The following DAB1 variants were observed in gnomAD, a reference collection of about 807,000 sequenced individuals.
DAB1 encodes the protein DAB adaptor protein 1.
A neutral mutation model predicts 64.6 loss-of-function variants in DAB1; 15 were observed. The observed-to-expected ratio is 0.23, with a 90% CI of 0.16 to 0.36. DAB1 has a LOEUF of 0.36. DAB1 is among the 10% of genes least tolerant of loss of function. The pLI is 1.00. For synonymous variants in DAB1, 235 were observed against 251.9 expected (o/e 0.93, Z 0.64); for missense variants, 596 against 706.7 (o/e 0.84, Z 1.78).
intron 9 of DAB1, among the ~76,000 whole-genome samples, chr1:57,043,974 C>T (rs1233788287): frequency 2.0e-5 from 3 of 152,230 alleles, no homozygotes; most frequent in African/African-American, 7.2e-5. Flanking sequence ...CCACCATTCT[C>T]CCCTTTCCTA....
At chr1:57,615,607 T>C (rs1645782220) in intron 7 of DAB1, among the ~76,000 whole-genome samples, 1 of 152,140 alleles carries the variant, frequency 6.6e-6, no homozygotes, top group Non-Finnish European at 1.5e-5. Context: ...CTGGGGGAAA[T>C]GTTTGTAGCT....
At position 57,045,154 on chromosome 1, in the gene DAB1, C is replaced by T. The variant is rs76876629; in HGVS notation, c.723+17730G>A. On this transcript the variant is annotated intron_variant, in intron 9 of 14. Coordinates refer to ENST00000371236, the MANE Select transcript of DAB1 (RefSeq NM_001365792.1). ...AGTGAGGAGAACAAAAGGTATAAGA[C>T]GACCTGTGTTTTAAGACTAGGGTGA... 9.3e-4 allele frequency among the ~76,000 whole-genome samples: 142 copies of T among 152,210 alleles called. 2 individuals are homozygous for T. The East Asian group carries it at 0.025, about 27-fold the overall frequency.
At chr1:57,203,140 C>A (rs1357691874) in intron 2 of DAB1, among the ~76,000 whole-genome samples, 1 of 152,134 alleles carries the variant, frequency 6.6e-6, no homozygotes, top group Admixed American at 6.5e-5. Context: ...AAAACAGCAC[C>A]ATTTCTCTTA....
intron 4 of DAB1, among the ~76,000 whole-genome samples, chr1:58,179,358 T>C (rs6663342): frequency 0.073 from 11,097 of 152,008 alleles, 459 homozygotes; most frequent in Admixed American, 0.091. Context: ...ATAAAAAGAG[T>C]TGTGAAGTGT....
intron 2 of DAB1, among the ~76,000 whole-genome samples, chr1:57,236,149 T>A (rs1668072861): frequency 6.6e-6 from 1 of 152,194 alleles, no homozygotes. Context: ...AGTTCATTAA[T>A]CCTCATTTGG....
chr1:57,310,619 C>T (rs1317083132), intron 1 of DAB1, among the ~76,000 whole-genome samples: 1 of 152,144 alleles, frequency 6.6e-6, no homozygotes, highest in Non-Finnish European at 1.5e-5. Context: ...GAAAGGAAAA[C>T]TTTTGTGAGG....
chr1:57,279,867 C>T (rs909424319), intron 2 of DAB1, among the ~76,000 whole-genome samples: 5 of 152,216 alleles, frequency 3.3e-5, no homozygotes, highest in African/African-American at 1.2e-4. Context: ...CTTCCCATGG[C>T]TTTTTAACTT....
At chr1:58,415,590 C>G (rs1644711968) in intron 3 of DAB1, 1 of 156,912 alleles carries the variant, frequency 6.4e-6, no homozygotes, top group Admixed American at 6.5e-5. Context: ...ATACCAAATA[C>G]CCACTTGTAC....
intron 14 of DAB1, among the ~76,000 whole-genome samples, chr1:57,009,082 G>C (rs1486577414): frequency 6.6e-6 from 1 of 152,220 alleles, no homozygotes; most frequent in African/African-American, 2.4e-5. Context: ...AATGGTGTAA[G>C]TCATCTTTGT....
intron 7 of DAB1, among the ~76,000 whole-genome samples, chr1:57,611,163 G>A (rs1310670747): frequency 2.6e-5 from 3 of 116,634 alleles, no homozygotes; most frequent in African/African-American, 6.8e-5. Flanking sequence ...ATCTTTCCAA[G>A]TGTGCCAGTT....
intron 1 of DAB1, among the ~76,000 whole-genome samples, chr1:57,834,843 C>T (rs899342476): frequency 3.3e-5 from 5 of 152,118 alleles, no homozygotes; most frequent in Non-Finnish European, 5.9e-5. Flanking sequence ...CTGAGGCCAA[C>T]CTTGTCCTCC....
chr1:57,041,334 A>C (rs1297734331), intron 9 of DAB1, among the ~76,000 whole-genome samples: 1 of 152,222 alleles, frequency 6.6e-6, no homozygotes, highest in Non-Finnish European at 1.5e-5. Context: ...TCCTGTGAGC[A>C]CTTAGACGGT....
intron 7 of DAB1, among the ~76,000 whole-genome samples, chr1:57,431,740 G>A (rs937106765): frequency 1.3e-5 from 2 of 152,144 alleles, no homozygotes; most frequent in African/African-American, 2.4e-5. Flanking sequence ...GGACTCTTAC[G>A]TTTCAATACA....
At chr1:57,439,418 G>GTTTTTTTTGTTTTTTTTTTTT in intron 7 of DAB1, among the ~76,000 whole-genome samples, 1 of 116,140 alleles carries the variant, frequency 8.6e-6, no homozygotes, top group African/African-American at 3.5e-5. Context: ...TGGTGATGAG[G>GTTTTTTTTGTTTTTTTTTTTT]TTTTTTCTTT....
intron 4 of DAB1, among the ~76,000 whole-genome samples, chr1:57,107,444 A>G (rs972288925): frequency 1.3e-5 from 2 of 151,714 alleles, no homozygotes; most frequent in East Asian, 3.9e-4. Flanking sequence ...TGCCTATTAT[A>G]TGCTGGACCT....
chr1:57,774,468 G>A (rs561100191), intron 6 of DAB1, among the ~76,000 whole-genome samples: 63 of 151,752 alleles, frequency 4.2e-4, no homozygotes, highest in African/African-American at 1.4e-3. Context: ...GTACAATGTT[G>A]AATAGAAATG....
intron 4 of DAB1, among the ~76,000 whole-genome samples, chr1:57,105,082 A>G (rs1472242944): frequency 2.6e-5 from 4 of 152,172 alleles, no homozygotes; most frequent in East Asian, 1.9e-4. Flanking sequence ...GGGTGAGGGT[A>G]GGAGACGCCA....
chr1:57,724,286 CGAAGGAAGGAAG>C, intron 6 of DAB1, among the ~76,000 whole-genome samples: 1 of 109,690 alleles, frequency 9.1e-6, no homozygotes, highest in East Asian at 2.6e-4. Context: ...AAGGAAGGAA[CGAAGGAAGGAAG>C]GAAGGGAGGG....
intron 5 of DAB1, among the ~76,000 whole-genome samples, chr1:58,093,568 T>G (rs2100616676): frequency 6.6e-6 from 1 of 151,938 alleles, no homozygotes; most frequent in African/African-American, 2.4e-5. Flanking sequence ...GGTGGAACAG[T>G]TTCATCCTGA....
Sources: allele counts gnomAD v4.1 joint callset (sites outside exome capture counted in the v4.1 genomes callset), GRCh38; gene constraint gnomAD v4.1.1; transcripts MANE v1.5; gene names NCBI Gene and HGNC (gene_info 2026-07-23, HGNC 2026-07-21).